TP53BP1: variants seen among roughly 807,000 people sequenced by gnomAD.
TP53BP1 encodes tumor protein p53 binding protein 1.
Under a neutral mutation model 200.8 loss-of-function variants are expected in TP53BP1, and 61 were observed. That is an observed-to-expected ratio of 0.30 (90% CI 0.25 to 0.38). TP53BP1 has a LOEUF of 0.38. TP53BP1 is among the 10% of genes least tolerant of loss of function. The probability of loss-of-function intolerance (pLI) is 1.00; values close to 1 mark genes in which losing one functional copy is unlikely to be tolerated. For missense variants in TP53BP1, 2,144 were observed against 2,371.9 expected (o/e 0.90, Z 2.00); for synonymous variants, 822 against 844.3 (o/e 0.97, Z 0.46).
In TP53BP1 at chr15:43,421,927, C is replaced by T; in HGVS notation, c.4028G>A (p.Arg1343Lys). The T allele has an allele frequency of 6.2e-7, 1 of 1,614,208 alleles. No individual in the cohort carries two copies. The highest frequency in any genetic ancestry group is 8.5e-7 in the Non-Finnish European group (1 of 1,180,042). Residue 1343 changes from arginine (R) to lysine (K), a missense_variant, in exon 19 of 28, where the codon AGA (arginine) becomes AAA (lysine). By Grantham distance (26) the Arg-to-Lys change is conservative (BLOSUM62 2). Around this residue, in one of 4 missense-constraint regions of TP53BP1, gnomAD observed 1,700 missense variants for 1,710.3 expected, o/e 0.99. Transcript: ENST00000382044. The stretch of plus-strand genomic sequence containing the variant: ...GGGTTCTGTCCCGCTGGTTTTCCCT[C>T]TGAGTGGTCCGGCTCCTTTCCCTGA... ...GSSGKGAGPL[R>K]GKTSGTEPAD... is the part of the protein sequence containing the mutation.
rs2044796519 is a variant in TP53BP1, at chr15:43,404,632, A to C, written c.*2751T>G. 14 of 1,491,820 alleles carry C rather than the reference A, an allele frequency of 9.4e-6. No homozygotes were observed. The highest frequency in any genetic ancestry group is 7.5e-5 in the Admixed American group (4 of 53,060). 92.4% of individuals were successfully genotyped at this position (1,491,820 alleles called of 1,614,324 possible). On this transcript the variant is annotated 3_prime_UTR_variant, in exon 28 of 28. Transcript: ENST00000382044. ...GTTGTAGAATTCTAGAACTGGAAGAAGACTTTAGTCCAAATACCCTCATTT... is the reference window on the plus strand; with the variant it reads ...GTTGTAGAATTCTAGAACTGGAAGACGACTTTAGTCCAAATACCCTCATTT...
intron 24 of TP53BP1, among the ~76,000 whole-genome samples, chr15:43,410,771 C>A (rs1454073759): frequency 1.3e-5 from 2 of 152,124 alleles, no homozygotes; most frequent in Admixed American, 1.3e-4. Flanking sequence ...CCTTCAGTGC[C>A]CTCGTTGTCT....
intron 7 of TP53BP1, among the ~76,000 whole-genome samples, chr15:43,478,730 C>T (rs148437537): frequency 1.9e-4 from 29 of 152,282 alleles, no homozygotes; most frequent in African/African-American, 7.0e-4. Flanking sequence ...GAACCCAAAG[C>T]AATCTGGGTG....
intron 15 of TP53BP1, 159 bp downstream of exon 15, chr15:43,441,367 C>A: frequency 1.8e-6 from 1 of 548,610 alleles, no homozygotes; most frequent in Non-Finnish European, 3.3e-6. Flanking sequence ...AAAGTATTAA[C>A]TAAAAAGTCT....
At chr15:43,419,566 A>ATTT (rs2045347820) in intron 21 of TP53BP1, among the ~76,000 whole-genome samples, 1 of 65,112 alleles carries the variant, frequency 1.5e-5, no homozygotes, top group African/African-American at 5.4e-5. Flanking sequence ...TTTTTTTTTG[A>ATTT]GAGACAGGGT....
intron 11 of TP53BP1, among the ~76,000 whole-genome samples, chr15:43,465,209 T>C (rs921742813): frequency 1.3e-5 from 2 of 151,746 alleles, no homozygotes; most frequent in African/African-American, 4.8e-5. Context: ...AGACAGAAAG[T>C]AGACTACCCT....
Position 43,404,412 on chromosome 15 carries a change from G to A in TP53BP1, c.*2971C>T. 6.2e-7 allele frequency: 1 copy of A among 1,614,126 alleles called. No homozygotes were observed. The highest frequency in any genetic ancestry group is 8.5e-7 in the Non-Finnish European group (1 of 1,180,000). Reference sequence around the variant, plus strand: ...TGACAGCTGAGTCCTTCTCTCTGCAGGGCTTTAGCCGCCAGTCTTCACTCC... The same window carrying A: ...TGACAGCTGAGTCCTTCTCTCTGCAAGGCTTTAGCCGCCAGTCTTCACTCC... On this transcript the variant is annotated 3_prime_UTR_variant, in exon 28 of 28. Transcript: ENST00000382044.
At chr15:43,509,318 G>T (rs185886325) in intron 1 of TP53BP1, among the ~76,000 whole-genome samples, 1 of 151,238 alleles carries the variant, frequency 6.6e-6, no homozygotes, top group Non-Finnish European at 1.5e-5. Flanking sequence ...GTGCAAAAAG[G>T]ATTTTCAGGG....
At chr15:43,485,995 G>A (rs1428510826) in intron 4 of TP53BP1, among the ~76,000 whole-genome samples, 3 of 152,064 alleles carry the variant, frequency 2.0e-5, no homozygotes, top group Non-Finnish European at 2.9e-5. Flanking sequence ...GAAAACAAAG[G>A]TTTAAATATA....
In TP53BP1 at chr15:43,501,203, A is replaced by ATTTT. The variant is rs36110259; in HGVS notation, c.-8-8739_-8-8736dup. The stretch of plus-strand genomic sequence containing the variant: ...GAAATCTATAGCTCTTAATTGTGTA[A>ATTTT]TTTTTTTTTTTTTTAAGAGACAGGG... On this transcript the variant is annotated intron_variant, in intron 1 of 27. Coordinates refer to the TP53BP1 transcript ENST00000263801. Among the ~76,000 whole-genome samples, 139 of 145,318 alleles carry ATTTT rather than the reference A, an allele frequency of 9.6e-4. 2 individuals carry two copies. Among genetic ancestry groups the ATTTT allele is most frequent in the Middle Eastern group, 3.5e-3 (1 of 282 alleles).
At chr15:43,413,970 G>A in intron 23 of TP53BP1, 1 of 371,574 alleles carries the variant, frequency 2.7e-6, no homozygotes, top group East Asian at 7.7e-5. Flanking sequence ...CAACACCTGG[G>A]TAAGTAAGTG....
chr15:43,491,844 G>C, intron 3 of TP53BP1, 91 bp from the exon 4 acceptor site: 1 of 1,185,038 alleles, frequency 8.4e-7, no homozygotes, highest in Non-Finnish European at 1.3e-6. Context: ...AATCTAATCA[G>C]TGACACTAGC....
Position 43,432,380 on chromosome 15 carries a change from C to T in TP53BP1, c.3489G>A (p.Glu1163=). ...CAGTTTCTGGGACCCTCAAGGAACA[C>T]TCCATGGTTTGGATTCCTATGTTAT... ...SQNNIGIQTM[E]CSLRVPETVS... The change falls in exon 17 of 28, where the codon GAG becomes GAA. Residue 1163 remains glutamate, a synonymous_variant. Coordinates refer to ENST00000382044, the MANE Select transcript of TP53BP1 (RefSeq NM_001141980.3). The T allele has an allele frequency of 3.1e-6, 5 of 1,614,210 alleles. No individual in the cohort carries two copies. Among genetic ancestry groups the T allele is most frequent in the Non-Finnish European group, 4.2e-6 (5 of 1,180,014 alleles).
chr15:43,414,006 C>T (rs1595522957), intron 23 of TP53BP1: 4 of 407,018 alleles, frequency 9.8e-6, no homozygotes, highest in Non-Finnish European at 2.0e-5. Flanking sequence ...ACACCCATGC[C>T]AAGAGTGCCC....
intron 11 of TP53BP1, 32 bp downstream of exon 11, chr15:43,469,826 T>C (rs2046679688): frequency 1.9e-6 from 3 of 1,555,762 alleles, no homozygotes; most frequent in East Asian, 2.2e-5. Context: ...AAAAAATATG[T>C]TAGGAGAAAC....
At chr15:43,495,931 TA>T (rs2079180658), upstream of TP53BP1, among the ~76,000 whole-genome samples, 1 of 152,196 alleles carries the variant, frequency 6.6e-6, no homozygotes, top group Non-Finnish European at 1.5e-5. Flanking sequence ...GAAAAACTAT[TA>T]ATTCCTTGTT....
chr15:43,509,971 T>C (rs1438839448), intron 1 of TP53BP1, among the ~76,000 whole-genome samples: 2 of 152,082 alleles, frequency 1.3e-5, no homozygotes, highest in Non-Finnish European at 2.9e-5. Flanking sequence ...AAAAGACTAC[T>C]CTGGAGTGTG....
chr15:43,451,000 A>G (rs1227528664), intron 12 of TP53BP1, among the ~76,000 whole-genome samples: 2 of 151,970 alleles, frequency 1.3e-5, no homozygotes, highest in African/African-American at 4.8e-5. Context: ...TCAGCCTCCT[A>G]AGTAACTGGA....
chr15:43,407,626 T>C, intron 27 of TP53BP1, 56 bp from the exon 28 acceptor site: 2 of 1,516,094 alleles, frequency 1.3e-6, no homozygotes, highest in Non-Finnish European at 1.8e-6. Flanking sequence ...AGCCCTCCAT[T>C]AGAAAGAGAG....
Sources: allele counts gnomAD v4.1 joint callset (sites outside exome capture counted in the v4.1 genomes callset), GRCh38; gene constraint gnomAD v4.1.1; regional missense constraint gnomAD v4.1.1; transcripts MANE v1.5; gene names NCBI Gene and HGNC (gene_info 2026-07-23, HGNC 2026-07-21).